Variants in ELMOD1 observed in about 807,000 individuals in gnomAD.
ELMOD1 encodes ELMO domain-containing protein 1.
A neutral mutation model predicts 46.7 loss-of-function variants in ELMOD1; 21 were observed. The ratio of observed to expected loss-of-function variants is 0.45; its 90% confidence interval spans 0.32 to 0.65. The LOEUF (loss-of-function observed/expected upper bound fraction) is 0.65. Among genes scored for constraint, ELMOD1 ranks in the 30% least tolerant of loss-of-function variants. The probability of loss-of-function intolerance (pLI) is 0.04; values close to 1 mark genes in which losing one functional copy is unlikely to be tolerated. For missense variants in ELMOD1, 348 were observed against 407.8 expected (o/e 0.85, Z 1.26); for synonymous variants, 122 against 138.2 (o/e 0.88, Z 0.82).
chr11:107,616,628 C>T (rs1865868415), intron 1 of ELMOD1, among the ~76,000 whole-genome samples: 2 of 152,244 alleles, frequency 1.3e-5, no homozygotes, highest in South Asian at 2.1e-4. Context: ...ATCTGCCTGC[C>T]TCGGTTTCCC....
chr11:107,610,570 A>G (rs534687862), intron 1 of ELMOD1, among the ~76,000 whole-genome samples: 1 of 151,750 alleles, frequency 6.6e-6, no homozygotes, highest in South Asian at 2.1e-4. Flanking sequence ...AGGCTGAGAC[A>G]CAGAATTGCT....
rs1159351647 is a variant in ELMOD1, at chr11:107,603,509, A to G, written c.-86+12100A>G. 5.9e-5 allele frequency among the ~76,000 whole-genome samples: 9 copies of G among 152,198 alleles called. No homozygotes were observed. In the South Asian group the frequency reaches 1.9e-3, roughly 31 times the overall value. On this transcript the variant is annotated intron_variant, in intron 1 of 11. Coordinates refer to ENST00000265840, the MANE Select transcript of ELMOD1 (RefSeq NM_018712.4). ...AGCCAAGATCATGCCACTGCACTCC[A>G]GCCTGGGCGATAGAGCGAGACCCTG...
intron 10 of ELMOD1, among the ~76,000 whole-genome samples, chr11:107,655,513 A>G (rs1046184667): frequency 6.7e-6 from 1 of 150,030 alleles, no homozygotes; most frequent in African/African-American, 2.5e-5. Flanking sequence ...CGGAAGGGTG[A>G]CCTGCCACTC....
chr11:107,654,045 T>G, intron 9 of ELMOD1, 127 bp from the exon 10 acceptor site: 3 of 760,412 alleles, frequency 3.9e-6, no homozygotes, highest in Non-Finnish European at 6.6e-6. Context: ...TGGCTTAACA[T>G]TTGTTGGATA....
chr11:107,602,328 G>A (rs139918582), intron 1 of ELMOD1, among the ~76,000 whole-genome samples: 5 of 152,138 alleles, frequency 3.3e-5, no homozygotes, highest in African/African-American at 1.2e-4. Context: ...CAAGGAGCTG[G>A]GTACCCTGTG....
At chr11:107,658,596 G>A (rs1866674640) in intron 11 of ELMOD1, among the ~76,000 whole-genome samples, 1 of 152,194 alleles carries the variant, frequency 6.6e-6, no homozygotes, top group South Asian at 2.1e-4. Context: ...ATAAAATGTA[G>A]TGGGAAGAAT....
At chr11:107,620,586 G>C (rs1865929998) in intron 2 of ELMOD1, 2 of 152,372 alleles carry the variant, frequency 1.3e-5, no homozygotes, top group East Asian at 3.9e-4. Context: ...GAAAACATGA[G>C]GCTGGGCGTG....
At chr11:107,655,114 G>A (rs1018022377) in intron 10 of ELMOD1, among the ~76,000 whole-genome samples, 9 of 151,800 alleles carry the variant, frequency 5.9e-5, no homozygotes, top group Non-Finnish European at 1.2e-4. Context: ...GCATGCTCAT[G>A]TTAATATTTT....
At chr11:107,624,750 T>C (rs1009096814) in intron 2 of ELMOD1, among the ~76,000 whole-genome samples, 2 of 152,208 alleles carry the variant, frequency 1.3e-5, no homozygotes, top group Non-Finnish European at 2.9e-5. Flanking sequence ...AGGAAAGGGT[T>C]ACACTATTAA....
chr11:107,630,996 A>G (rs1485254262), intron 4 of ELMOD1, among the ~76,000 whole-genome samples: 1 of 152,124 alleles, frequency 6.6e-6, no homozygotes, highest in Non-Finnish European at 1.5e-5. Context: ...TCATAAAATA[A>G]ATATTCCTTG....
chr11:107,653,993 C>A, intron 9 of ELMOD1, 179 bp from the exon 10 acceptor site: 1 of 610,078 alleles, frequency 1.6e-6, no homozygotes, highest in Non-Finnish European at 2.9e-6. Flanking sequence ...AATAGCATGG[C>A]CTTAAATAAT....
At chr11:107,616,104 T>C (rs1481196198) in intron 1 of ELMOD1, among the ~76,000 whole-genome samples, 1 of 145,382 alleles carries the variant, frequency 6.9e-6, no homozygotes, top group Non-Finnish European at 1.5e-5. Flanking sequence ...CAAGCAATTC[T>C]CCTGCCTCAG....
chr11:107,592,122 G>A (rs1224688291), intron 1 of ELMOD1: 1 of 376,632 alleles, frequency 2.7e-6, no homozygotes, highest in Non-Finnish European at 5.5e-6. Context: ...TTTTCCAAGT[G>A]TGGGTACGGG....
At chr11:107,648,519 C>T (rs2135707539) in intron 7 of ELMOD1, among the ~76,000 whole-genome samples, 1 of 152,324 alleles carries the variant, frequency 6.6e-6, no homozygotes, top group East Asian at 1.9e-4. Context: ...GTGTAAAGTC[C>T]ACCATCAGCC....
intron 2 of ELMOD1, among the ~76,000 whole-genome samples, chr11:107,623,119 T>TAC (rs1865980074): frequency 6.6e-6 from 1 of 151,824 alleles, no homozygotes; most frequent in Non-Finnish European, 1.5e-5. Flanking sequence ...ATGCTATCCC[T>TAC]CCCCGATTCC....
Position 107,635,823 on chromosome 11 carries a change from C to G in ELMOD1, c.420+58C>G, listed in dbSNP as rs7101759. ...TAAGTCAGCTGACATTTGCCAGGCA[C>G]CTGCTATGTGCTAGGCGCTGCTCTG... On this transcript the variant is annotated intron_variant, in intron 6 of 11. Coordinates refer to ENST00000265840, the MANE Select transcript of ELMOD1 (RefSeq NM_018712.4). The G allele has an allele frequency of 1.2e-4, 180 of 1,551,728 alleles. No homozygotes were observed. In the African/African-American group the frequency reaches 2.1e-3, roughly 19 times the overall value.
At chr11:107,595,867 TA>T (rs1865484312) in intron 1 of ELMOD1, among the ~76,000 whole-genome samples, 1 of 152,064 alleles carries the variant, frequency 6.6e-6, no homozygotes, top group Non-Finnish European at 1.5e-5. Flanking sequence ...AAGGGATGAA[TA>T]ACTTTATTCT....
At position 107,663,434 on chromosome 11, in the gene ELMOD1, C is replaced by T. The variant is rs114208586; in HGVS notation, c.833-1591C>T. On this transcript the variant is annotated intron_variant, in intron 11 of 11. Coordinates refer to ENST00000265840, the MANE Select transcript of ELMOD1 (RefSeq NM_018712.4). ...CTGAGGCAGCAGGATCACATGAGGC[C>T]AGGAGTTCAAGGACAGCCTGAGCAA... 5.0e-3 allele frequency among the ~76,000 whole-genome samples: 764 copies of T among 151,990 alleles called. 8 individuals carry two copies. The highest frequency in any genetic ancestry group is 0.016 in the African/African-American group (676 of 41,464).
intron 5 of ELMOD1, among the ~76,000 whole-genome samples, chr11:107,633,290 A>G (rs12279938): frequency 0.019 from 2,827 of 152,310 alleles, 110 homozygotes; most frequent in African/African-American, 0.065. Flanking sequence ...TTCTGAGAAA[A>G]CAAAGAAATA....
Sources: allele counts gnomAD v4.1 joint callset (sites outside exome capture counted in the v4.1 genomes callset), GRCh38; gene constraint gnomAD v4.1.1; transcripts MANE v1.5; gene names NCBI Gene and HGNC (gene_info 2026-07-23, HGNC 2026-07-21).